CPPED1: variants seen among roughly 807,000 people sequenced by gnomAD.
The protein encoded by CPPED1 is calcineurin like phosphoesterase domain containing 1.
In CPPED1, 28 loss-of-function variants were observed where a neutral mutation model predicts 28.0. The observed-to-expected ratio is 1.00, with a 90% CI of 0.74 to 1.37. The LOEUF is 1.37. Among genes scored for constraint, CPPED1 ranks in the 40% most tolerant of loss-of-function variants. CPPED1 has a pLI of 0.00. For missense variants in CPPED1, 504 were observed against 416.5 expected, an observed-to-expected ratio of 1.21 and a Z score of -1.83; for synonymous variants, 198 against 180.2, an observed-to-expected ratio of 1.10 and a Z score of -0.79.
chr16:12,788,225 A>G (rs920925658), intron 1 of CPPED1, among the ~76,000 whole-genome samples: 1 of 152,134 alleles, frequency 6.6e-6, no homozygotes, highest in East Asian at 1.9e-4. Context: ...CATTACAATC[A>G]AGTTACCAGG....
intron 2 of CPPED1, among the ~76,000 whole-genome samples, chr16:12,741,981 G>A (rs2080258352): frequency 1.3e-5 from 2 of 152,178 alleles, no homozygotes. Context: ...CGGGACAATC[G>A]CTTGAACCTG....
intron 1 of CPPED1, among the ~76,000 whole-genome samples, chr16:12,785,228 A>T (rs1183920784): frequency 6.6e-6 from 1 of 152,152 alleles, no homozygotes; most frequent in African/African-American, 2.4e-5. Flanking sequence ...GCAGCTTTTT[A>T]CATTATGAAA....
chr16:12,660,112 T>G lies in CPPED1; in HGVS notation c.*4774A>C, dbSNP rs1307718768. The G allele has an allele frequency of 6.6e-6, 1 of 152,114 alleles. No homozygotes were observed. The highest frequency in any genetic ancestry group is 1.5e-5 in the Non-Finnish European group (1 of 68,046). 9.4% of individuals were successfully genotyped at this position (152,114 alleles called of 1,614,324 possible). On this transcript the variant is annotated 3_prime_UTR_variant, in exon 4 of 4. Coordinates refer to ENST00000381774, the MANE Select transcript of CPPED1 (RefSeq NM_018340.3). ...GGACACAGAGCCAAACCAATTTGGG[T>G]GGAGACACAGAGCCAAACCATATCA...
At chr16:12,778,127 C>T (rs1026771528) in intron 2 of CPPED1, among the ~76,000 whole-genome samples, 4 of 151,758 alleles carry the variant, frequency 2.6e-5, no homozygotes, top group African/African-American at 9.7e-5. Context: ...CCAGGCTGGT[C>T]TCGAACTCCT....
Position 12,781,291 on chromosome 16 carries a change from C to T in CPPED1, c.183G>A (p.Trp61Ter). 6.2e-7 allele frequency: 1 copy of T among 1,614,120 alleles called. No individual in the cohort carries two copies. Among genetic ancestry groups the T allele is most frequent in the Non-Finnish European group, 8.5e-7 (1 of 1,180,020 alleles). The change falls in exon 2 of 4, where the codon TGG (tryptophan) becomes TGA (stop). Residue 61 changes from tryptophan (W) to a stop codon, truncating the protein, a stop_gained. Transcript: ENST00000381774. LOFTEE classifies it high-confidence loss of function. Reference protein sequence around the residue: ...TGDCDNGGDEWEQEIRLTEQA... With the variant: ...TGDCDNGGDE ...GCTCAGTTAGACGGATCTCCTGTTCCCATTCGTCACCGCCATTGTCACAGT... is the reference window on the plus strand; with the variant it reads ...GCTCAGTTAGACGGATCTCCTGTTCTCATTCGTCACCGCCATTGTCACAGT...
At chr16:12,672,523 G>A (rs896273274) in intron 3 of CPPED1, among the ~76,000 whole-genome samples, 1 of 152,202 alleles carries the variant, frequency 6.6e-6, no homozygotes, top group African/African-American at 2.4e-5. Flanking sequence ...AACATCGTGT[G>A]ATCCTGTGTA....
chr16:12,746,910 G>A (rs1050610330), intron 2 of CPPED1, among the ~76,000 whole-genome samples: 1 of 152,044 alleles, frequency 6.6e-6, no homozygotes, highest in South Asian at 2.1e-4. Context: ...TAGCTAATGG[G>A]CCAGGTGGAA....
chr16:12,762,231 T>C (rs2080414047), intron 2 of CPPED1, among the ~76,000 whole-genome samples: 1 of 152,238 alleles, frequency 6.6e-6, no homozygotes, highest in African/African-American at 2.4e-5. Context: ...CTCTCTCATT[T>C]ATTTTTACTT....
chr16:12,782,658 G>C (rs561480103), intron 1 of CPPED1, among the ~76,000 whole-genome samples: 2 of 151,488 alleles, frequency 1.3e-5, no homozygotes, highest in African/African-American at 4.8e-5. Context: ...TCAAGGGTCT[G>C]AGACCAGCCT....
At chr16:12,786,582 C>T (rs796634212) in intron 1 of CPPED1, among the ~76,000 whole-genome samples, 13 of 152,278 alleles carry the variant, frequency 8.5e-5, no homozygotes, top group African/African-American at 2.9e-4. Context: ...CTAGTCATCA[C>T]CCTTTACATT....
At position 12,700,949 on chromosome 16, in the gene CPPED1, G is replaced by A. The variant is rs142134096; in HGVS notation, c.715+3675C>T. Among the ~76,000 whole-genome samples, 286 of 152,194 alleles carry A rather than the reference G, an allele frequency of 1.9e-3. 1 individual carries two copies. Among genetic ancestry groups the A allele is most frequent in the Non-Finnish European group, 2.5e-3 (173 of 68,000 alleles). On this transcript the variant is annotated intron_variant, in intron 3 of 3. Coordinates refer to ENST00000381774, the MANE Select transcript of CPPED1 (RefSeq NM_018340.3). ...AAGATGTCAAAGTTGAGTGGGAGGC[G>A]GGATGTGGTGTCTCATGCCTGTAAT...
At chr16:12,712,034 G>T (rs1213454029) in intron 2 of CPPED1, among the ~76,000 whole-genome samples, 1 of 152,136 alleles carries the variant, frequency 6.6e-6, no homozygotes, top group Non-Finnish European at 1.5e-5. Context: ...CTGTCCCTGA[G>T]AAATGCAGGA....
chr16:12,687,325 A>G (rs1431075774), intron 3 of CPPED1, among the ~76,000 whole-genome samples: 1 of 152,196 alleles, frequency 6.6e-6, no homozygotes, highest in Non-Finnish European at 1.5e-5. Flanking sequence ...ACATTTTTTA[A>G]AAAAAGAAAT....
chr16:12,711,796 C>T (rs898996112), intron 2 of CPPED1, among the ~76,000 whole-genome samples: 1 of 152,038 alleles, frequency 6.6e-6, no homozygotes, highest in African/African-American at 2.4e-5. Flanking sequence ...CTTCTAGACC[C>T]TAAAATGAAA....
chr16:12,731,285 C>G (rs375377391), intron 2 of CPPED1, among the ~76,000 whole-genome samples: 1 of 151,306 alleles, frequency 6.6e-6, no homozygotes, highest in Non-Finnish European at 1.5e-5. Context: ...TCCCGAGTAG[C>G]TGGGACCACA....
intron 1 of CPPED1, among the ~76,000 whole-genome samples, chr16:12,800,364 G>T (rs778179529): frequency 3.3e-5 from 5 of 151,862 alleles, no homozygotes; most frequent in Non-Finnish European, 7.4e-5. Flanking sequence ...TTTGAACGTG[G>T]GAGGTGGAGG....
At chr16:12,770,647 ACTCT>A (rs950378565) in intron 2 of CPPED1, among the ~76,000 whole-genome samples, 4 of 151,578 alleles carry the variant, frequency 2.6e-5, no homozygotes, top group Non-Finnish European at 2.9e-5. Context: ...ACATAACAAA[ACTCT>A]CTCTACTAAA....
In CPPED1 at chr16:12,704,866, A is replaced by G. The variant is rs369351725; in HGVS notation, c.473T>C (p.Val158Ala). The G allele has an allele frequency of 5.3e-5, 85 of 1,613,918 alleles. No homozygotes were observed. The highest frequency in any genetic ancestry group is 7.0e-5 in the Non-Finnish European group (83 of 1,179,996). ...DDYFSFWVGG[V>A]LFLVLNSQFY... Reference sequence around the variant, plus strand: ...CTGGGAGTTGAGGACCAGGAACAGGACGCCCCCGACCCAGAAGCTGAAGTA... The same window carrying G: ...CTGGGAGTTGAGGACCAGGAACAGGGCGCCCCCGACCCAGAAGCTGAAGTA... Residue 158 changes from valine (V) to alanine (A), a missense_variant, in exon 3 of 4, where the codon GTC becomes GCC. Coordinates refer to ENST00000381774, the MANE Select transcript of CPPED1 (RefSeq NM_018340.3).
intron 3 of CPPED1, among the ~76,000 whole-genome samples, chr16:12,668,072 C>T (rs1173699294): frequency 6.6e-6 from 1 of 152,120 alleles, no homozygotes; most frequent in African/African-American, 2.4e-5. Context: ...CTTCTAAATG[C>T]TGACAGCAAA....
Sources: allele counts gnomAD v4.1 joint callset (sites outside exome capture counted in the v4.1 genomes callset), GRCh38; gene constraint gnomAD v4.1.1; transcripts MANE v1.5; gene names NCBI Gene and HGNC (gene_info 2026-07-23, HGNC 2026-07-21).